The following GSTA1 variants were observed in gnomAD, a reference collection of about 807,000 sequenced individuals.
GSTA1 encodes the protein glutathione S-transferase alpha 1, also known as glutathione S-transferase A1.
Under a neutral mutation model 21.5 loss-of-function variants are expected in GSTA1, and 23 were observed. The observed-to-expected ratio is 1.07, with a 90% CI of 0.77 to 1.52. GSTA1 has a LOEUF of 1.52. Ranked by LOEUF, GSTA1 falls within the 40% of genes most tolerant of loss-of-function variation. The pLI is 0.00. For missense variants in GSTA1, 301 were observed against 264.2 expected (o/e 1.14, Z -0.96); for synonymous variants, 125 against 90.0 (o/e 1.39, Z -2.20).
At chr6:52,800,966 C>T (rs556174351) in intron 1 of GSTA1, among the ~76,000 whole-genome samples, 2 of 152,304 alleles carry the variant, frequency 1.3e-5, no homozygotes, top group Admixed American at 6.5e-5. Flanking sequence ...ACTGCAAACT[C>T]AGCTTCCCAG....
chr6:52,800,116 T>G, intron 1 of GSTA1, among the ~76,000 whole-genome samples: 1 of 152,236 alleles, frequency 6.6e-6, no homozygotes, highest in East Asian at 1.9e-4. Context: ...GCATTAATTT[T>G]GCAATATGGA....
chr6:52,800,285 G>A (rs73740646), intron 1 of GSTA1, among the ~76,000 whole-genome samples: 2,695 of 152,318 alleles, frequency 0.018, 93 homozygotes, highest in African/African-American at 0.061. Context: ...CAGAGTAAAT[G>A]ATGGATCGGG....
Position 52,803,567 on chromosome 6 carries a change from G to T in GSTA1, c.-31+218C>A, listed in dbSNP as rs114367363. 9.1e-3 allele frequency among the ~76,000 whole-genome samples: 1,383 copies of T among 152,038 alleles called. 22 individuals are homozygous for T. The highest frequency in any genetic ancestry group is 0.031 in the African/African-American group (1,290 of 41,438). On this transcript the variant is annotated intron_variant, in intron 1 of 6. Transcript: ENST00000334575. ...CCATACCATTAAATGCTGAAGCCCT[G>T]GTTTTCTAAATTCTTCATTTTTACA...
At chr6:52,794,517 G>A (rs957290561) in intron 4 of GSTA1, among the ~76,000 whole-genome samples, 3 of 152,148 alleles carry the variant, frequency 2.0e-5, no homozygotes, top group African/African-American at 7.2e-5. Flanking sequence ...AACGTCGGTG[G>A]TCACAGTCAT....
chr6:52,799,716 A>C lies in GSTA1; in HGVS notation c.-30-419T>G, dbSNP rs532168422. Among the ~76,000 whole-genome samples the C allele has an allele frequency of 2.6e-4, 40 of 152,278 alleles. No homozygotes were observed. In the South Asian group the frequency reaches 4.4e-3, roughly 17 times the overall value. ...GAAATGATTGTTATCTCAATTTTTT[A>C]GTTAATGAAATGGAACATCAGAGAA... is the stretch of plus-strand genomic sequence containing the variant. On this transcript the variant is annotated intron_variant, in intron 1 of 6. Transcript: ENST00000334575.
chr6:52,792,626 T>C (rs1763484015), intron 6 of GSTA1: 1 of 1,100,534 alleles, frequency 9.1e-7, no homozygotes, highest in Non-Finnish European at 1.2e-6. Context: ...GTTCTTTCCA[T>C]AATAAAGGGC....
At chr6:52,800,095 G>A (rs1763679133) in intron 1 of GSTA1, among the ~76,000 whole-genome samples, 1 of 152,212 alleles carries the variant, frequency 6.6e-6, no homozygotes, top group African/African-American at 2.4e-5. Flanking sequence ...GCTGGAAGAA[G>A]AGATGTTGCT....
At chr6:52,802,786 G>A (rs550430627) in intron 1 of GSTA1, among the ~76,000 whole-genome samples, 3 of 152,098 alleles carry the variant, frequency 2.0e-5, no homozygotes, top group South Asian at 4.2e-4. Context: ...CATAGAACTC[G>A]AGTAGGAATA....
At chr6:52,792,629 TA>T in intron 6 of GSTA1, 1 of 1,141,228 alleles carries the variant, frequency 8.8e-7, no homozygotes. Context: ...CTTTCCATAA[TA>T]AAGGGCAAAA....
chr6:52,793,937 C>T (rs1191000965), intron 5 of GSTA1, among the ~76,000 whole-genome samples, 188 bp downstream of exon 5: 2 of 152,116 alleles, frequency 1.3e-5, no homozygotes, highest in Admixed American at 6.5e-5. Context: ...AAAAGTATAG[C>T]TTGGGTATAA....
chr6:52,800,450 T>G (rs554632514), intron 1 of GSTA1, among the ~76,000 whole-genome samples: 5 of 152,230 alleles, frequency 3.3e-5, no homozygotes, highest in African/African-American at 4.8e-5. Context: ...GAGCATGACA[T>G]GTTGAAAGGT....
In GSTA1 at chr6:52,799,229, C is replaced by T. The variant is rs764092961; in HGVS notation, c.39G>A (p.Arg13=). The T allele has an allele frequency of 6.2e-7, 1 of 1,613,822 alleles. No individual in the cohort carries two copies. Among genetic ancestry groups the T allele is most frequent in the African/African-American group, 1.3e-5 (1 of 74,896 alleles). Residue 13 remains arginine (R), a synonymous_variant, in exon 2 of 7, where the codon CGG becomes CGA. Transcript: ENST00000334575. ...GCCACCGGGTGGACTCCATTCTGCCCCGTGCATTGAAGTAGTGGAGCTTGG... is the reference window on the plus strand; with the variant it reads ...GCCACCGGGTGGACTCCATTCTGCCTCGTGCATTGAAGTAGTGGAGCTTGG... ...EKPKLHYFNA[R]GRMESTRWLL...
At chr6:52,796,109 T>A (rs929174901) in intron 4 of GSTA1, 73 bp downstream of exon 4, 250 of 1,606,342 alleles carry the variant, frequency 1.6e-4, no homozygotes, top group Non-Finnish European at 2.1e-4. Flanking sequence ...CCTGCCATCG[T>A]CCCACCCACT....
chr6:52,796,334 A>T lies in GSTA1; in HGVS notation c.140-20T>A, dbSNP rs1263633960. 6.2e-7 allele frequency: 1 copy of T among 1,613,692 alleles called. No individual in the cohort carries two copies. On this transcript the variant is annotated intron_variant, in intron 3 of 6. Coordinates refer to ENST00000334575, the MANE Select transcript of GSTA1 (RefSeq NM_145740.5). ...ATCCATCTTTAGAAGGAAGAAAAAA[A>T]AGGAGAGTGAAGTGTCTATGAAACC...
Position 52,799,350 on chromosome 6 carries a change from A to G in GSTA1, c.-30-53T>C. Reference sequence around the variant, plus strand: ...ATTGAAACGATAGAATCAAAAATGTACTTTAGGATATGTAGTTGAAAACCA... The same window carrying G: ...ATTGAAACGATAGAATCAAAAATGTGCTTTAGGATATGTAGTTGAAAACCA... On this transcript the variant is annotated intron_variant, in intron 1 of 6. Coordinates refer to ENST00000334575, the MANE Select transcript of GSTA1 (RefSeq NM_145740.5). 2.4e-6 allele frequency: 3 copies of G among 1,246,112 alleles called. No individual in the cohort carries two copies. The Admixed American group carries it at 6.3e-5, about 26-fold the overall frequency. The allele number at this position is 1,246,112 out of a possible 1,614,324, so 77.2% of individuals were successfully genotyped here.
intron 1 of GSTA1, among the ~76,000 whole-genome samples, chr6:52,803,312 C>G (rs1763759179): frequency 1.3e-5 from 2 of 152,166 alleles, no homozygotes; most frequent in Non-Finnish European, 2.9e-5. Context: ...AAAGGCTCAA[C>G]TAGAATCTAG....
chr6:52,792,549 A>G (rs1216586262), intron 6 of GSTA1, among the ~76,000 whole-genome samples: 1 of 152,200 alleles, frequency 6.6e-6, no homozygotes, highest in Non-Finnish European at 1.5e-5. Context: ...GATAAAGGAC[A>G]TCACAGAGAA....
Position 52,794,254 on chromosome 6 carries a change from A to G in GSTA1, c.285T>C (p.Tyr95=), listed in dbSNP as rs1581793596. 6.2e-7 allele frequency: 1 copy of G among 1,612,212 alleles called. No homozygotes were observed. Among genetic ancestry groups the G allele is most frequent in the Non-Finnish European group, 8.5e-7 (1 of 1,179,004 alleles). Reference sequence around the variant, plus strand: ...CACCCAAATCTGCTATACCTTCTATATACATATCAATCCTGAAAGACAGAA... The same window carrying G: ...CACCCAAATCTGCTATACCTTCTATGTACATATCAATCCTGAAAGACAGAA... ...DIKERALIDM[Y]IEGIADLGEM... The change falls in exon 5 of 7, where the codon TAT becomes TAC. Residue 95 remains tyrosine (Y), a synonymous_variant. Transcript: ENST00000334575.
intron 2 of GSTA1, among the ~76,000 whole-genome samples, chr6:52,798,088 C>T (rs544413362): frequency 4.6e-5 from 7 of 152,264 alleles, no homozygotes; most frequent in Non-Finnish European, 1.0e-4. Context: ...TAATTTGTAT[C>T]GCCCCACTTC....
Sources: gnomAD v4.1 joint callset for allele counts (sites outside exome capture counted in the v4.1 genomes callset) on GRCh38, gnomAD v4.1.1 for gene constraint, MANE v1.5 for transcripts, NCBI Gene and HGNC (gene_info 2026-07-23, HGNC 2026-07-21) for gene names.